The following GOLIM4 variants were observed in gnomAD, a reference collection of about 807,000 sequenced individuals.
GOLIM4 encodes golgi integral membrane protein 4, also known as 130 kDa golgi-localized phosphoprotein.
A neutral mutation model predicts 107.4 loss-of-function variants in GOLIM4; 71 were observed. The ratio of observed to expected loss-of-function variants is 0.66; its 90% CI spans 0.55 to 0.81. GOLIM4 has a LOEUF of 0.81. Ranked by LOEUF, GOLIM4 falls within the 30% of genes least tolerant of loss-of-function variation. GOLIM4 has a pLI of 0.00. For missense variants in GOLIM4, 830 were observed against 826.1 expected (o/e 1.00, Z -0.06); for synonymous variants, 327 against 294.8 (o/e 1.11, Z -1.12).
intron 4 of GOLIM4, 39 bp from the exon 5 acceptor site, chr3:168,043,568 T>C (rs1402458458): frequency 6.6e-7 from 1 of 1,526,208 alleles, no homozygotes; most frequent in African/African-American, 1.4e-5. Context: ...ATACATTCTC[T>C]GAATTATATG....
chr3:168,029,755 G>A lies in GOLIM4; in HGVS notation c.1433+25C>T, dbSNP rs768515884. On this transcript the variant is annotated intron_variant, in intron 10 of 15. Coordinates refer to ENST00000470487, the MANE Select transcript of GOLIM4 (RefSeq NM_014498.5). ...GAAAACTGGAGCAGGGGCTGTCTTC[G>A]TTCATTAAGGAAGGGGAAGGCTACC... is the stretch of plus-strand genomic sequence containing the variant. 10 of 1,607,962 alleles carry A rather than the reference G, an allele frequency of 6.2e-6. No homozygotes were observed. The South Asian group carries it at 6.6e-5, about 11-fold the overall frequency.
At chr3:168,035,546 A>T (rs758002782) in intron 8 of GOLIM4, among the ~76,000 whole-genome samples, 6 of 152,216 alleles carry the variant, frequency 3.9e-5, no homozygotes, top group Non-Finnish European at 7.3e-5. Flanking sequence ...CCAACACAGG[A>T]ACAGAAAGTC....
At chr3:168,033,752 G>A (rs1207217363) in intron 8 of GOLIM4, among the ~76,000 whole-genome samples, 1 of 150,824 alleles carries the variant, frequency 6.6e-6, no homozygotes, top group Non-Finnish European at 1.5e-5. Flanking sequence ...AAACCAGCAG[G>A]ACTCTTTTGT....
At position 168,040,839 on chromosome 3, in the gene GOLIM4, C is replaced by G. The variant is rs1242052615; in HGVS notation, c.631G>C (p.Glu211Gln). Residue 211 changes from glutamate (E) to glutamine (Q), a missense_variant, in exon 7 of 16, where the codon GAA becomes CAA. Transcript: ENST00000470487. ...TCTTCCAAAGTCACTACAAGTTGTTCATGCTCGGAGAGTAAATTCTTATGC... is the reference window on the plus strand; with the variant it reads ...TCTTCCAAAGTCACTACAAGTTGTTGATGCTCGGAGAGTAAATTCTTATGC... ...QQHKNLLSEH[E>Q]QLVVTLEDHK... 6.2e-7 allele frequency: 1 copy of G among 1,612,822 alleles called. No homozygotes were observed. The highest frequency in any genetic ancestry group is 8.5e-7 in the Non-Finnish European group (1 of 1,179,002).
At chr3:168,025,602 G>A (rs1318552241) in intron 12 of GOLIM4, among the ~76,000 whole-genome samples, 2 of 152,138 alleles carry the variant, frequency 1.3e-5, no homozygotes, top group Non-Finnish European at 2.9e-5. Context: ...AAAAGGATAC[G>A]AAAAGGAGAC....
At chr3:168,024,435 G>A in intron 14 of GOLIM4, 91 bp downstream of exon 14, 7 of 945,426 alleles carry the variant, frequency 7.4e-6, no homozygotes, top group South Asian at 5.3e-5. Context: ...TCTGTGGAAG[G>A]CATGTCAAAG....
chr3:168,045,126 G>A (rs1719225703), intron 3 of GOLIM4, among the ~76,000 whole-genome samples: 1 of 152,178 alleles, frequency 6.6e-6, no homozygotes, highest in Non-Finnish European at 1.5e-5. Context: ...ACAGTAGCTT[G>A]AAAGAGCCCT....
At chr3:168,063,770 G>T (rs1390358388) in intron 1 of GOLIM4, among the ~76,000 whole-genome samples, 1 of 151,976 alleles carries the variant, frequency 6.6e-6, no homozygotes, top group East Asian at 1.9e-4. Context: ...AATGGATACT[G>T]GACTTAATGC....
chr3:168,073,233 A>G (rs184345805), intron 1 of GOLIM4, among the ~76,000 whole-genome samples: 129 of 152,332 alleles, frequency 8.5e-4, no homozygotes, highest in African/African-American at 3.0e-3. Context: ...GCCATTCCTT[A>G]CCAATAGGAC....
At chr3:168,088,948 C>T (rs1291300441) in intron 1 of GOLIM4, among the ~76,000 whole-genome samples, 1 of 152,172 alleles carries the variant, frequency 6.6e-6, no homozygotes, top group Non-Finnish European at 1.5e-5. Flanking sequence ...AATTCTCTTA[C>T]ACAGCAACCA....
chr3:168,063,900 G>A (rs979109297), intron 1 of GOLIM4, among the ~76,000 whole-genome samples: 2 of 152,008 alleles, frequency 1.3e-5, no homozygotes, highest in East Asian at 1.9e-4. Context: ...AAAAAGAAGC[G>A]GCATAGTATT....
chr3:168,087,349 T>C (rs570148395), intron 1 of GOLIM4, among the ~76,000 whole-genome samples: 2 of 152,266 alleles, frequency 1.3e-5, no homozygotes, highest in African/African-American at 4.8e-5. Flanking sequence ...GTCTATTCTC[T>C]TTGGAAAAAC....
chr3:168,022,218 A>T (rs921090842), intron 14 of GOLIM4, among the ~76,000 whole-genome samples: 65 of 152,078 alleles, frequency 4.3e-4, no homozygotes, highest in Non-Finnish European at 7.6e-4. Flanking sequence ...CCAGGAGGAA[A>T]TGCTGACAGA....
chr3:168,012,645 T>C (rs906969657), intron 14 of GOLIM4, among the ~76,000 whole-genome samples: 25 of 149,540 alleles, frequency 1.7e-4, no homozygotes, highest in Admixed American at 3.3e-4. Context: ...GAGAGAAAGG[T>C]CGGGTTACCC....
intron 7 of GOLIM4, among the ~76,000 whole-genome samples, chr3:168,039,882 G>A (rs1042040847): frequency 1.3e-5 from 2 of 152,136 alleles, no homozygotes; most frequent in African/African-American, 4.8e-5. Flanking sequence ...AGCTTAGGAG[G>A]AGACACCTAA....
intron 3 of GOLIM4, among the ~76,000 whole-genome samples, chr3:168,046,736 TA>T: frequency 6.6e-6 from 1 of 152,134 alleles, no homozygotes; most frequent in Non-Finnish European, 1.5e-5. Flanking sequence ...ATTCCCAGTT[TA>T]TCCCTATTAT....
intron 14 of GOLIM4, among the ~76,000 whole-genome samples, chr3:168,022,569 G>T (rs1717764656): frequency 6.6e-6 from 1 of 152,070 alleles, no homozygotes; most frequent in African/African-American, 2.4e-5. Flanking sequence ...CTCTCTCAAG[G>T]GAAGACCTGG....
intron 1 of GOLIM4, among the ~76,000 whole-genome samples, chr3:168,063,415 G>A (rs1423736714): frequency 6.6e-6 from 1 of 151,906 alleles, no homozygotes; most frequent in Non-Finnish European, 1.5e-5. Flanking sequence ...AGCACTTTTA[G>A]GTTCATAGCA....
intron 3 of GOLIM4, 108 bp from the exon 4 acceptor site, chr3:168,044,989 GT>G: frequency 1.7e-6 from 1 of 604,870 alleles, no homozygotes; most frequent in East Asian, 3.1e-5. Flanking sequence ...CTTGTGTACA[GT>G]AAAATGAATT....
Sources: allele counts gnomAD v4.1 joint callset (sites outside exome capture counted in the v4.1 genomes callset), GRCh38; gene constraint gnomAD v4.1.1; transcripts MANE v1.5; gene names NCBI Gene and HGNC (gene_info 2026-07-23, HGNC 2026-07-21).